Variants in HS3ST4 observed in about 807,000 individuals in gnomAD.
The protein encoded by HS3ST4 is heparan sulfate glucosamine 3-O-sulfotransferase 4.
HS3ST4 carries 17 observed loss-of-function variants against 29.2 expected under a neutral mutation model. The ratio of observed to expected loss-of-function variants is 0.58; its 90% CI spans 0.40 to 0.87. HS3ST4 has a LOEUF of 0.87. Ranked by LOEUF, HS3ST4 falls within the 40% of genes least tolerant of loss-of-function variation. HS3ST4 has a pLI of 0.00. For synonymous variants in HS3ST4, 314 were observed against 285.7 expected, an observed-to-expected ratio of 1.10 and a Z score of -1.00; for missense variants, 627 against 634.5, an observed-to-expected ratio of 0.99 and a Z score of 0.13.
At chr16:25,947,289 G>C (rs1968636264) in intron 1 of HS3ST4, among the ~76,000 whole-genome samples, 1 of 152,096 alleles carries the variant, frequency 6.6e-6, no homozygotes, top group African/African-American at 2.4e-5. Context: ...CCTCATCTCA[G>C]AAAATACTCC....
intron 1 of HS3ST4, among the ~76,000 whole-genome samples, chr16:25,979,664 A>G (rs1361399762): frequency 6.6e-6 from 1 of 152,208 alleles, no homozygotes; most frequent in African/African-American, 2.4e-5. Flanking sequence ...TATATATTAC[A>G]ACGTAAAATA....
chr16:25,923,996 G>A (rs1221317147), intron 1 of HS3ST4, among the ~76,000 whole-genome samples: 1 of 152,130 alleles, frequency 6.6e-6, no homozygotes, highest in African/African-American at 2.4e-5. Flanking sequence ...TTTCTCCTCT[G>A]CGCTTTGGCC....
At chr16:26,055,248 G>A (rs548421534) in intron 1 of HS3ST4, among the ~76,000 whole-genome samples, 1 of 152,244 alleles carries the variant, frequency 6.6e-6, no homozygotes, top group South Asian at 2.1e-4. Context: ...CCAAACCTCA[G>A]CTCTGGCATT....
At chr16:25,885,778 A>G (rs994661673) in intron 1 of HS3ST4, among the ~76,000 whole-genome samples, 1 of 151,958 alleles carries the variant, frequency 6.6e-6, no homozygotes, top group African/African-American at 2.4e-5. Flanking sequence ...CTGCACTTAA[A>G]TGAAAACTTT....
chr16:26,037,320 A>G (rs1969592227), intron 1 of HS3ST4, among the ~76,000 whole-genome samples: 1 of 152,170 alleles, frequency 6.6e-6, no homozygotes, highest in African/African-American at 2.4e-5. Context: ...GAGACTCCAG[A>G]CTTCTCTGCC....
intron 1 of HS3ST4, among the ~76,000 whole-genome samples, chr16:25,890,001 G>A (rs780358009): frequency 6.6e-6 from 1 of 152,180 alleles, no homozygotes; most frequent in African/African-American, 2.4e-5. Flanking sequence ...GGAACTGTGA[G>A]TCCATTCAAC....
At chr16:25,988,128 C>A (rs1208394923) in intron 1 of HS3ST4, among the ~76,000 whole-genome samples, 8 of 152,186 alleles carry the variant, frequency 5.3e-5, no homozygotes, top group East Asian at 3.9e-4. Flanking sequence ...GACCAGGCTG[C>A]CGGCTAATTC....
intron 1 of HS3ST4, among the ~76,000 whole-genome samples, chr16:25,720,662 A>G (rs1966486826): frequency 6.6e-6 from 1 of 152,246 alleles, no homozygotes; most frequent in Non-Finnish European, 1.5e-5. Flanking sequence ...TGCTTGCACC[A>G]GTCACATCAC....
At chr16:25,747,386 G>A (rs984511151) in intron 1 of HS3ST4, among the ~76,000 whole-genome samples, 1 of 152,198 alleles carries the variant, frequency 6.6e-6, no homozygotes, top group African/African-American at 2.4e-5. Context: ...CTGAGCTTTT[G>A]CTTTTGCTAC....
At chr16:26,051,912 C>CCCTTCCTTCCTTCCTTCCTTCCTTCCTT (rs1340165050) in intron 1 of HS3ST4, among the ~76,000 whole-genome samples, 9 of 108,162 alleles carry the variant, frequency 8.3e-5, no homozygotes, top group African/African-American at 3.9e-4. Context: ...CTCCCTCCCT[C>CCCTTCCTTCCTTCCTTCCTTCCTTCCTT]CCTTCCTTCC....
At chr16:26,013,435 T>C (rs1969330431) in intron 1 of HS3ST4, among the ~76,000 whole-genome samples, 1 of 152,156 alleles carries the variant, frequency 6.6e-6, no homozygotes, top group African/African-American at 2.4e-5. Context: ...AAGCAATTAA[T>C]ATAAAATATA....
chr16:25,786,589 T>C (rs1966858001), intron 1 of HS3ST4, among the ~76,000 whole-genome samples: 1 of 152,112 alleles, frequency 6.6e-6, no homozygotes, highest in South Asian at 2.1e-4. Context: ...CCCAATGAAA[T>C]CTTCTTCTTG....
chr16:26,070,342 G>A (rs1006692395), intron 1 of HS3ST4, among the ~76,000 whole-genome samples: 20 of 152,284 alleles, frequency 1.3e-4, no homozygotes, highest in African/African-American at 4.6e-4. Flanking sequence ...TCTGTTGGGG[G>A]CATAAATGTC....
chr16:25,840,128 A>G (rs1333798875), intron 1 of HS3ST4, among the ~76,000 whole-genome samples: 2 of 152,182 alleles, frequency 1.3e-5, no homozygotes, highest in Non-Finnish European at 2.9e-5. Context: ...GATCAACAGT[A>G]TATCACTTTC....
intron 1 of HS3ST4, among the ~76,000 whole-genome samples, chr16:25,840,974 G>GTTTA (rs201567916): frequency 0.027 from 1,401 of 51,950 alleles, 9 homozygotes; most frequent in Middle Eastern, 0.042. Context: ...ATATTTGTTT[G>GTTTA]TTTATTTATT....
At chr16:25,882,893 C>T (rs1040523526) in intron 1 of HS3ST4, among the ~76,000 whole-genome samples, 3 of 152,164 alleles carry the variant, frequency 2.0e-5, no homozygotes, top group African/African-American at 7.2e-5. Flanking sequence ...CCAGGGGACC[C>T]AGCTTCTTCC....
chr16:25,842,065 G>A (rs1468801080), intron 1 of HS3ST4, among the ~76,000 whole-genome samples: 1 of 152,198 alleles, frequency 6.6e-6, no homozygotes, highest in Non-Finnish European at 1.5e-5. Flanking sequence ...GCACAAACAT[G>A]CAAGTCAATG....
intron 1 of HS3ST4, among the ~76,000 whole-genome samples, chr16:25,989,007 A>G (rs938443793): frequency 3.9e-5 from 6 of 152,244 alleles, no homozygotes; most frequent in African/African-American, 1.4e-4. Context: ...GGCAGCTCCC[A>G]GAATGAAAGC....
At chr16:25,905,677 C>T (rs922610333) in intron 1 of HS3ST4, among the ~76,000 whole-genome samples, 1 of 152,152 alleles carries the variant, frequency 6.6e-6, no homozygotes, top group Admixed American at 6.5e-5. Context: ...TAATCAGGAA[C>T]TAGAATGTCC....
Sources: gnomAD v4.1 joint callset for allele counts (sites outside exome capture counted in the v4.1 genomes callset) on GRCh38, gnomAD v4.1.1 for gene constraint, MANE v1.5 for transcripts, NCBI Gene and HGNC (gene_info 2026-07-23, HGNC 2026-07-21) for gene names.